MFHAS1: variants seen among roughly 807,000 people sequenced by gnomAD.
MFHAS1 encodes malignant fibrous histiocytoma-amplified sequence 1.
Under a neutral mutation model 70.4 loss-of-function variants are expected in MFHAS1, and 50 were observed. The ratio of observed to expected loss-of-function variants is 0.71; its 90% CI spans 0.57 to 0.90. The LOEUF (loss-of-function observed/expected upper bound fraction) is 0.90, where lower values mean the gene tolerates loss of function less well. Ranked by LOEUF, MFHAS1 falls within the 40% of genes least tolerant of loss-of-function variation. MFHAS1 has a pLI of 0.00. For missense variants in MFHAS1, 1,795 were observed against 1,347.6 expected (o/e 1.33, Z -5.20); for synonymous variants, 952 against 620.0 (o/e 1.54, Z -7.96).
intron 1 of MFHAS1, among the ~76,000 whole-genome samples, chr8:8,871,708 G>C (rs2116910270): frequency 6.6e-6 from 1 of 152,318 alleles, no homozygotes; most frequent in South Asian, 2.1e-4. Flanking sequence ...AGGCCAAGTG[G>C]CTTCCCAGAG....
At chr8:8,822,812 G>GA (rs1457585423) in intron 1 of MFHAS1, among the ~76,000 whole-genome samples, 2 of 145,192 alleles carry the variant, frequency 1.4e-5, no homozygotes, top group African/African-American at 5.1e-5. Context: ...AGGGGACAGG[G>GA]ACCAAGTCAG....
chr8:8,816,626 T>C (rs1806755582), intron 1 of MFHAS1, among the ~76,000 whole-genome samples: 1 of 152,220 alleles, frequency 6.6e-6, no homozygotes, highest in Non-Finnish European at 1.5e-5. Context: ...TTCTATGAGA[T>C]GAAATTCAAG....
chr8:8,862,895 T>C (rs898508922), intron 1 of MFHAS1, among the ~76,000 whole-genome samples: 2 of 152,178 alleles, frequency 1.3e-5, no homozygotes, highest in Non-Finnish European at 2.9e-5. Flanking sequence ...TAAAACATAG[T>C]CTATTTAACA....
intron 1 of MFHAS1, among the ~76,000 whole-genome samples, chr8:8,874,033 CT>C (rs1809192211): frequency 6.6e-6 from 1 of 152,140 alleles, no homozygotes; most frequent in Non-Finnish European, 1.5e-5. Flanking sequence ...AAAAAATTAC[CT>C]TGTTTCAAAT....
intron 1 of MFHAS1, among the ~76,000 whole-genome samples, chr8:8,856,644 A>G (rs977861430): frequency 6.6e-5 from 10 of 152,188 alleles, no homozygotes; most frequent in African/African-American, 2.4e-4. Context: ...TTCAATATTA[A>G]AAATACTGAC....
chr8:8,791,581 C>A (rs528356879), intron 2 of MFHAS1, among the ~76,000 whole-genome samples: 161 of 152,226 alleles, frequency 1.1e-3, no homozygotes, highest in African/African-American at 3.6e-3. Context: ...TGCCATTTGT[C>A]CAGAGAAGCT....
Position 8,826,739 on chromosome 8 carries a change from G to A in MFHAS1, c.2999-29248C>T, listed in dbSNP as rs191351030. On this transcript the variant is annotated intron_variant, in intron 1 of 2. Transcript: ENST00000276282. The stretch of plus-strand genomic sequence containing the variant: ...CAGAGTGAGGCTCCATCTCAAAAAA[G>A]AGCTGGTTGGACATTTCTGGAAATA... Among the ~76,000 whole-genome samples, 21 of 152,124 alleles carry A rather than the reference G, an allele frequency of 1.4e-4. No homozygotes were observed. In the East Asian group the frequency reaches 4.1e-3, roughly 29 times the overall value.
At position 8,839,387 on chromosome 8, in the gene MFHAS1, T is replaced by C. The variant is rs1807720586; in HGVS notation, c.2999-41896A>G. ...GCCTGTCAAACTGTAAAGTGTTATATATTTGAAAGCTATCATCATTAAAGA... is the reference window on the plus strand; with the variant it reads ...GCCTGTCAAACTGTAAAGTGTTATACATTTGAAAGCTATCATCATTAAAGA... On this transcript the variant is annotated intron_variant, in intron 1 of 2. Transcript: ENST00000276282. 2.6e-5 allele frequency among the ~76,000 whole-genome samples: 4 copies of C among 152,240 alleles called. No individual in the cohort carries two copies. In the South Asian group the frequency reaches 8.3e-4, roughly 32 times the overall value.
intron 1 of MFHAS1, among the ~76,000 whole-genome samples, chr8:8,807,886 T>C (rs374132883): frequency 2.6e-5 from 4 of 152,370 alleles, no homozygotes; most frequent in Admixed American, 1.3e-4. Context: ...TCACTATATA[T>C]AGTGATATAT....
intron 1 of MFHAS1, among the ~76,000 whole-genome samples, chr8:8,840,547 C>G (rs551671047): frequency 2.6e-4 from 40 of 152,112 alleles, no homozygotes; most frequent in African/African-American, 8.4e-4. Flanking sequence ...CATGATGGTG[C>G]CGGTCATTCA....
chr8:8,882,325 G>C (rs1432824751), intron 1 of MFHAS1, among the ~76,000 whole-genome samples: 1 of 152,102 alleles, frequency 6.6e-6, no homozygotes, highest in Non-Finnish European at 1.5e-5. Context: ...AGGAGGTGGA[G>C]GTTGCAGTGA....
At chr8:8,871,531 C>A (rs1461192406) in intron 1 of MFHAS1, among the ~76,000 whole-genome samples, 1 of 152,224 alleles carries the variant, frequency 6.6e-6, no homozygotes, top group Non-Finnish European at 1.5e-5. Context: ...GCCTGGGCAA[C>A]AGAGTGATCA....
At chr8:8,881,288 T>A (rs1403214120) in intron 1 of MFHAS1, among the ~76,000 whole-genome samples, 1 of 152,238 alleles carries the variant, frequency 6.6e-6, no homozygotes. Flanking sequence ...TGTTTCCTTC[T>A]TGGTCTCCAG....
At chr8:8,878,250 T>A (rs1195802313) in intron 1 of MFHAS1, among the ~76,000 whole-genome samples, 1 of 152,134 alleles carries the variant, frequency 6.6e-6, no homozygotes, top group Admixed American at 6.5e-5. Flanking sequence ...GCAACCTAAC[T>A]GAGACCCAAG....
intron 1 of MFHAS1, among the ~76,000 whole-genome samples, chr8:8,878,802 A>C (rs552244027): frequency 6.6e-6 from 1 of 152,186 alleles, no homozygotes; most frequent in African/African-American, 2.4e-5. Flanking sequence ...CATAGACTTC[A>C]TTTTAGGAAT....
intron 1 of MFHAS1, among the ~76,000 whole-genome samples, chr8:8,847,300 G>C (rs1246605635): frequency 6.6e-6 from 1 of 152,190 alleles, no homozygotes; most frequent in Non-Finnish European, 1.5e-5. Flanking sequence ...TCCTGCCTCA[G>C]TCTCCTGAGT....
At chr8:8,873,404 T>G (rs1389081829) in intron 1 of MFHAS1, among the ~76,000 whole-genome samples, 1 of 152,062 alleles carries the variant, frequency 6.6e-6, no homozygotes, top group Non-Finnish European at 1.5e-5. Flanking sequence ...CTTTGTTAGC[T>G]TGAAATAAAT....
chr8:8,832,056 GCGCGCGCA>G (rs1434979851), intron 1 of MFHAS1, among the ~76,000 whole-genome samples: 6 of 136,094 alleles, frequency 4.4e-5, no homozygotes, highest in African/African-American at 2.0e-4. Flanking sequence ...GCACGCGCGC[GCGCGCGCA>G]CACACACACA....
chr8:8,892,755 G>T lies in MFHAS1; in HGVS notation c.304C>A (p.Leu102Met). 1 of 1,576,004 alleles carries T rather than the reference G, an allele frequency of 6.3e-7. No individual in the cohort carries two copies. The highest frequency in any genetic ancestry group is 8.6e-7 in the Non-Finnish European group (1 of 1,163,252). ...LVLRRNRFARLPPAVAELGHH... is the reference protein window; with the variant it reads ...LVLRRNRFARMPPAVAELGHH... ...CCGAGCTCGGCCACCGCCGGGGGCA[G>T]CCGGGCGAAGCGGTTCCTGCGCAGG... is the stretch of plus-strand genomic sequence containing the variant. Residue 102 changes from leucine to methionine, a missense_variant, in exon 1 of 3, where the codon CTG becomes ATG. Coordinates refer to ENST00000276282, the MANE Select transcript of MFHAS1 (RefSeq NM_004225.3). This position sits in a 1 kb window ranked among gnomAD's most constrained non-coding sequence, Gnocchi z 4.7.
Sources: gnomAD v4.1 joint callset for allele counts (sites outside exome capture counted in the v4.1 genomes callset) on GRCh38, gnomAD v4.1.1 for gene constraint, Gnocchi (gnomAD v3.1) non-coding constraint, MANE v1.5 for transcripts, NCBI Gene and HGNC (gene_info 2026-07-23, HGNC 2026-07-21) for gene names.